The following SCARA3 variants were observed in gnomAD, a reference collection of about 807,000 sequenced individuals.
SCARA3 encodes the protein cellular stress response gene protein.
In SCARA3, 39 loss-of-function variants were observed where a neutral mutation model predicts 47.0. That is an observed-to-expected ratio of 0.83 (90% CI 0.64 to 1.08). The LOEUF (loss-of-function observed/expected upper bound fraction) is 1.08. Ranked by LOEUF, SCARA3 falls within the 50% of genes least tolerant of loss-of-function variation. The pLI is 0.00. For synonymous variants in SCARA3, 356 were observed against 334.1 expected, an observed-to-expected ratio of 1.07 and a Z score of -0.71; for missense variants, 724 against 792.3, an observed-to-expected ratio of 0.91 and a Z score of 1.04.
downstream of SCARA3, among the ~76,000 whole-genome samples, chr8:27,681,581 G>T (rs561820827): frequency 1.3e-5 from 2 of 152,052 alleles, no homozygotes; most frequent in African/African-American, 4.8e-5. Flanking sequence ...TAATAGCCAG[G>T]TGTGGTGGCA....
chr8:27,643,519 C>A (rs757036142), intron 1 of SCARA3, among the ~76,000 whole-genome samples: 1 of 152,146 alleles, frequency 6.6e-6, no homozygotes, highest in Admixed American at 6.5e-5. Context: ...GATTCCCAAC[C>A]GATTACAGAC....
intron 5 of SCARA3, among the ~76,000 whole-genome samples, chr8:27,660,726 G>GATAC (rs1212170278): frequency 6.6e-6 from 1 of 151,336 alleles, no homozygotes; most frequent in Non-Finnish European, 1.5e-5. Context: ...TAGATAGATA[G>GATAC]ATAGATAGAT....
chr8:27,644,228 C>A (rs541974351), intron 1 of SCARA3, among the ~76,000 whole-genome samples: 1 of 152,312 alleles, frequency 6.6e-6, no homozygotes, highest in South Asian at 2.1e-4. Context: ...TGGCCTTGGC[C>A]TTGGCCTTCC....
Position 27,658,743 on chromosome 8 carries a change from G to T in SCARA3, c.573G>T (p.Gln191His). ...AGTCTCTGGGGCTCTTCCTGGCCCA[G>T]GTGAGAGGCTGGCAGGCCACCACAG... ...VNQSLGLFLA[Q>H]VRGWQATTAG... is the part of the protein sequence containing the mutation. Residue 191 changes from glutamine to histidine, a missense_variant, in exon 5 of 6, where the codon CAG becomes CAT. Coordinates refer to ENST00000301904, the MANE Select transcript of SCARA3 (RefSeq NM_016240.3). 6.2e-7 allele frequency: 1 copy of T among 1,614,144 alleles called. No individual in the cohort carries two copies. Among genetic ancestry groups the T allele is most frequent in the Non-Finnish European group, 8.5e-7 (1 of 1,180,002 alleles).
chr8:27,717,729 G>C, the SCARA3 span, among the ~76,000 whole-genome samples: 1 of 152,144 alleles, frequency 6.6e-6, no homozygotes, highest in Admixed American at 6.5e-5. Flanking sequence ...AGGTTACAGA[G>C]ATACAAGATC....
At chr8:27,673,919 C>T (rs1202498340), downstream of SCARA3, among the ~76,000 whole-genome samples, 1 of 152,140 alleles carries the variant, frequency 6.6e-6, no homozygotes, top group Non-Finnish European at 1.5e-5. Context: ...TCTTACTTCT[C>T]ATGGGACAAA....
the SCARA3 span, among the ~76,000 whole-genome samples, chr8:27,720,895 T>C: frequency 6.6e-6 from 1 of 151,732 alleles, no homozygotes. Flanking sequence ...CACTCAGTCA[T>C]CCAACCATTC....
At chr8:27,661,120 A>G (rs1324303496) in intron 5 of SCARA3, among the ~76,000 whole-genome samples, 11 of 152,040 alleles carry the variant, frequency 7.2e-5, no homozygotes, top group African/African-American at 2.4e-4. Flanking sequence ...ACCTATTTAA[A>G]TGTTAATCTT....
chr8:27,673,329 C>A (rs1802210977), downstream of SCARA3, among the ~76,000 whole-genome samples: 1 of 152,260 alleles, frequency 6.6e-6, no homozygotes, highest in Non-Finnish European at 1.5e-5. Flanking sequence ...GTGAGTGATA[C>A]CTCCTGCTTC....
chr8:27,641,743 A>G (rs188113272), intron 1 of SCARA3, among the ~76,000 whole-genome samples: 33 of 152,316 alleles, frequency 2.2e-4, no homozygotes, highest in Middle Eastern at 6.8e-3. Flanking sequence ...TGGAACAGCA[A>G]TAAGCCTTAA....
chr8:27,647,648 G>A (rs79782810), intron 1 of SCARA3, among the ~76,000 whole-genome samples: 117 of 152,344 alleles, frequency 7.7e-4, no homozygotes, highest in African/African-American at 2.4e-3. Context: ...CGCATGGACA[G>A]GAGAGGAGCA....
the SCARA3 span, among the ~76,000 whole-genome samples, chr8:27,731,164 A>T: frequency 6.7e-6 from 1 of 149,418 alleles, no homozygotes; most frequent in Non-Finnish European, 1.5e-5. Context: ...CAGTGGTGCT[A>T]TCACAGCTCA....
At chr8:27,686,212 G>A in the SCARA3 span, among the ~76,000 whole-genome samples, 1 of 152,222 alleles carries the variant, frequency 6.6e-6, no homozygotes, top group South Asian at 2.1e-4. Flanking sequence ...AGGCTGAGGT[G>A]GGAGGATTCC....
At chr8:27,675,419 C>T (rs1563416737), downstream of SCARA3, among the ~76,000 whole-genome samples, 2 of 152,226 alleles carry the variant, frequency 1.3e-5, no homozygotes, top group African/African-American at 2.4e-5. Context: ...CCTGCAGGAG[C>T]ACAGGCCCTT....
chr8:27,652,179 A>T (rs1801647319), intron 3 of SCARA3, among the ~76,000 whole-genome samples: 1 of 152,200 alleles, frequency 6.6e-6, no homozygotes, highest in East Asian at 1.9e-4. Context: ...AGACCAAGGA[A>T]TCTGGGGGGT....
downstream of SCARA3, among the ~76,000 whole-genome samples, chr8:27,675,061 C>T (rs979094977): frequency 2.6e-5 from 4 of 152,160 alleles, no homozygotes; most frequent in African/African-American, 9.7e-5. Flanking sequence ...CAGGGGCTTG[C>T]TGGAAGCCAC....
chr8:27,717,059 G>A, the SCARA3 span, among the ~76,000 whole-genome samples: 1 of 152,188 alleles, frequency 6.6e-6, no homozygotes, highest in African/African-American at 2.4e-5. Context: ...AAAATGCCAA[G>A]GGCCTGAAAT....
chr8:27,722,289 T>C, the SCARA3 span, among the ~76,000 whole-genome samples: 1 of 152,136 alleles, frequency 6.6e-6, no homozygotes, highest in African/African-American at 2.4e-5. Flanking sequence ...GGACTAACTG[T>C]CCTTTTGCAC....
At chr8:27,666,413 C>T (rs1170884570) in intron 5 of SCARA3, among the ~76,000 whole-genome samples, 1 of 152,152 alleles carries the variant, frequency 6.6e-6, no homozygotes, top group Admixed American at 6.5e-5. Flanking sequence ...GTTTGTTCTC[C>T]GTGGGAGGTT....
Sources: gnomAD v4.1 joint callset for allele counts (sites outside exome capture counted in the v4.1 genomes callset) on GRCh38, gnomAD v4.1.1 for gene constraint, MANE v1.5 for transcripts, NCBI Gene and HGNC (gene_info 2026-07-23, HGNC 2026-07-21) for gene names.